The following FLYWCH2 variants were observed in gnomAD, a reference collection of about 807,000 sequenced individuals.
The protein encoded by FLYWCH2 is FLYWCH family member 2.
In FLYWCH2, 2 loss-of-function variants were observed where a neutral mutation model predicts 6.0. The ratio of observed to expected loss-of-function variants is 0.33; its 90% CI spans 0.14 to 1.04. FLYWCH2 has a LOEUF of 1.04. Among genes scored for constraint, FLYWCH2 ranks in the 50% least tolerant of loss-of-function variants. The probability of loss-of-function intolerance (pLI) is 0.45; values close to 1 mark genes in which losing one functional copy is unlikely to be tolerated. For missense variants in FLYWCH2, 192 were observed against 183.4 expected, an observed-to-expected ratio of 1.05 and a Z score of -0.27; for synonymous variants, 87 against 79.3, an observed-to-expected ratio of 1.10 and a Z score of -0.52.
intron 1 of FLYWCH2, among the ~76,000 whole-genome samples, chr16:2,886,936 A>G (rs1407626310): frequency 1.3e-5 from 2 of 152,028 alleles, no homozygotes; most frequent in African/African-American, 4.8e-5. Context: ...ATTTTTTCCC[A>G]TTCTATGGGT....
At position 2,896,362 on chromosome 16, in the gene FLYWCH2, C is replaced by A; in HGVS notation, c.-88C>A. On this transcript the variant is annotated 5_prime_UTR_variant, in exon 3 of 4. In the 5' UTR this introduces an upstream ATG that the reference lacks. Coordinates refer to ENST00000396958, the MANE Select transcript of FLYWCH2 (RefSeq NM_138439.3). ...TGCTTCCTTCCTTAGGACGGAACCG[C>A]TGGACTCCAGGTTCCTTGCCTGGGA... 1 of 1,467,122 alleles carries A rather than the reference C, an allele frequency of 6.8e-7. No individual in the cohort carries two copies. The highest frequency in any genetic ancestry group is 9.0e-7 in the Non-Finnish European group (1 of 1,108,132). The allele number at this position is 1,467,122 out of a possible 1,614,324, so 90.9% of individuals were successfully genotyped here.
At chr16:2,891,683 C>T (rs2069759682) in intron 1 of FLYWCH2, among the ~76,000 whole-genome samples, 1 of 151,588 alleles carries the variant, frequency 6.6e-6, no homozygotes, top group South Asian at 2.1e-4. Context: ...GGATTATAGG[C>T]GTGAGCCACC....
At chr16:2,888,925 A>G (rs1453061626) in intron 1 of FLYWCH2, among the ~76,000 whole-genome samples, 1 of 152,108 alleles carries the variant, frequency 6.6e-6, no homozygotes, top group Admixed American at 6.6e-5. Context: ...TTATTGCACT[A>G]CTTAGGAGGT....
At chr16:2,896,805 G>A (rs769559571) in intron 3 of FLYWCH2, 34 bp downstream of exon 3, 20 of 1,586,288 alleles carry the variant, frequency 1.3e-5, no homozygotes, top group African/African-American at 6.7e-5. Context: ...AGGACAGCTC[G>A]GCACCTCCCA....
chr16:2,884,932 A>G (rs535529486), intron 1 of FLYWCH2, among the ~76,000 whole-genome samples: 2 of 152,200 alleles, frequency 1.3e-5, no homozygotes, highest in Non-Finnish European at 2.9e-5. Flanking sequence ...ACATTGGGGA[A>G]CTGCTGTTCA....
At chr16:2,894,330 G>A (rs987094193) in intron 1 of FLYWCH2, among the ~76,000 whole-genome samples, 1 of 152,158 alleles carries the variant, frequency 6.6e-6, no homozygotes, top group African/African-American at 2.4e-5. Flanking sequence ...TAGAGGACCC[G>A]GGGTGGACTC....
intron 1 of FLYWCH2, among the ~76,000 whole-genome samples, chr16:2,892,909 T>TGTC (rs1567305009): frequency 0.078 from 514 of 6,604 alleles, 3 homozygotes; most frequent in Non-Finnish European, 0.17. Context: ...TGTCATATAA[T>TGTC]ATATATTATA....
chr16:2,886,740 C>G (rs955831455), intron 1 of FLYWCH2, among the ~76,000 whole-genome samples: 2 of 151,734 alleles, frequency 1.3e-5, no homozygotes, highest in Admixed American at 1.3e-4. Context: ...AGGCTGGTCT[C>G]GAACTCCCGA....
intron 1 of FLYWCH2, among the ~76,000 whole-genome samples, chr16:2,890,483 T>A (rs2069744571): frequency 6.6e-6 from 1 of 151,786 alleles, no homozygotes; most frequent in African/African-American, 2.4e-5. Context: ...GGCGCGATCT[T>A]GGCTCACCGC....
rs1392793378 is a variant in FLYWCH2, at chr16:2,899,186, C to T, written c.*37C>T. 6.6e-7 allele frequency: 1 copy of T among 1,518,246 alleles called. No homozygotes were observed. Among genetic ancestry groups the T allele is most frequent in the East Asian group, 2.3e-5 (1 of 43,210 alleles). The allele number at this position is 1,518,246 out of a possible 1,614,324, so 94.0% of individuals were successfully genotyped here. A position where few individuals can be genotyped will look rare whatever the true frequency, so the allele number is the denominator to read the frequency against. ...GGCGCATCCTCCCAGGCCACCAACC[C>T]AGCCATAGGCTCTTCTCTGTCCGCA... is the stretch of plus-strand genomic sequence containing the variant. On this transcript the variant is annotated 3_prime_UTR_variant, in exon 4 of 4. Transcript: ENST00000396958.
At chr16:2,884,598 G>A (rs1010540928) in intron 1 of FLYWCH2, among the ~76,000 whole-genome samples, 2 of 119,086 alleles carry the variant, frequency 1.7e-5, no homozygotes, top group East Asian at 4.6e-4. Flanking sequence ...AGTCGGGGCC[G>A]GCGCGGTGGC....
At chr16:2,895,764 G>T (rs1412794133) in intron 2 of FLYWCH2, among the ~76,000 whole-genome samples, 1 of 152,262 alleles carries the variant, frequency 6.6e-6, no homozygotes, top group Non-Finnish European at 1.5e-5. Context: ...CATGCTCCCT[G>T]TGACAACACA....
At chr16:2,886,617 G>A (rs1350374110) in intron 1 of FLYWCH2, among the ~76,000 whole-genome samples, 2 of 138,162 alleles carry the variant, frequency 1.4e-5, no homozygotes, top group Non-Finnish European at 3.0e-5. Context: ...CGCCTCCTGG[G>A]TTCAAGCAAT....
chr16:2,884,972 T>G (rs1042570055), intron 1 of FLYWCH2, among the ~76,000 whole-genome samples: 2 of 152,112 alleles, frequency 1.3e-5, no homozygotes, highest in Non-Finnish European at 2.9e-5. Context: ...TACCTTTTTC[T>G]GAATATTTAA....
chr16:2,892,595 C>T (rs1016646252), intron 1 of FLYWCH2, among the ~76,000 whole-genome samples: 2 of 151,808 alleles, frequency 1.3e-5, no homozygotes, highest in African/African-American at 4.8e-5. Flanking sequence ...CCTGTAATCC[C>T]AGCACTTTGG....
At chr16:2,895,016 C>G (rs1318356315) in intron 1 of FLYWCH2, among the ~76,000 whole-genome samples, 1 of 152,050 alleles carries the variant, frequency 6.6e-6, no homozygotes, top group Non-Finnish European at 1.5e-5. Flanking sequence ...TAGGTGGCTG[C>G]CCAAGCTGCA....
intron 1 of FLYWCH2, among the ~76,000 whole-genome samples, chr16:2,892,179 C>G (rs1368263209): frequency 6.7e-6 from 1 of 148,862 alleles, no homozygotes; most frequent in African/African-American, 2.5e-5. Context: ...GTGGGAAGAG[C>G]GAGACTTCAT....
intron 1 of FLYWCH2, among the ~76,000 whole-genome samples, chr16:2,884,273 G>C (rs1333750997): frequency 6.6e-6 from 1 of 152,072 alleles, no homozygotes; most frequent in South Asian, 2.1e-4. Flanking sequence ...GCCGGTGCTG[G>C]TGGACATTAG....
intron 1 of FLYWCH2, among the ~76,000 whole-genome samples, chr16:2,884,716 A>G (rs2069679216): frequency 6.6e-6 from 1 of 151,590 alleles, no homozygotes; most frequent in Non-Finnish European, 1.5e-5. Context: ...CTCAACTAAA[A>G]ATACAAAATT....
Sources: allele counts gnomAD v4.1 joint callset (sites outside exome capture counted in the v4.1 genomes callset), GRCh38; gene constraint gnomAD v4.1.1; transcripts MANE v1.5; gene names NCBI Gene and HGNC (gene_info 2026-07-23, HGNC 2026-07-21).